Variants in NXPH1 observed in about 807,000 individuals in gnomAD.
The protein encoded by NXPH1 is neurexophilin 1.
Under a neutral mutation model 23.7 loss-of-function variants are expected in NXPH1, and 5 were observed. The ratio of observed to expected loss-of-function variants is 0.21; its 90% confidence interval spans 0.11 to 0.44. The LOEUF is 0.44. Ranked by LOEUF, NXPH1 falls within the 20% of genes least tolerant of loss-of-function variation. The probability of loss-of-function intolerance (pLI) is 0.99; values close to 1 mark genes in which losing one functional copy is unlikely to be tolerated. For missense variants in NXPH1, 324 were observed against 321.6 expected (o/e 1.01, Z -0.06); for synonymous variants, 144 against 122.2 (o/e 1.18, Z -1.18).
chr7:8,517,900 G>A (rs1817711208), intron 2 of NXPH1, among the ~76,000 whole-genome samples: 1 of 152,116 alleles, frequency 6.6e-6, no homozygotes, highest in Non-Finnish European at 1.5e-5. Context: ...ACCATGTTTT[G>A]GTGAACAGAA....
At chr7:8,637,713 A>G (rs766564780) in intron 2 of NXPH1, among the ~76,000 whole-genome samples, 11 of 152,210 alleles carry the variant, frequency 7.2e-5, no homozygotes, top group Non-Finnish European at 1.6e-4. Flanking sequence ...TAATTTGTGC[A>G]ATGAACTCAC....
chr7:8,495,891 A>G (rs1047966253), intron 2 of NXPH1, among the ~76,000 whole-genome samples: 1 of 152,166 alleles, frequency 6.6e-6, no homozygotes, highest in Non-Finnish European at 1.5e-5. Context: ...TTAGTGGGGC[A>G]GGCAAAGCAT....
intron 2 of NXPH1, among the ~76,000 whole-genome samples, chr7:8,631,417 T>C (rs142355746): frequency 6.6e-6 from 1 of 152,220 alleles, no homozygotes; most frequent in Non-Finnish European, 1.5e-5. Flanking sequence ...AAATCAAAAA[T>C]TGACAAATGG....
At chr7:8,553,207 T>G (rs548945563) in intron 2 of NXPH1, among the ~76,000 whole-genome samples, 25 of 151,666 alleles carry the variant, frequency 1.6e-4, no homozygotes, top group African/African-American at 5.8e-4. Flanking sequence ...CCTTAATGGA[T>G]TAAATGGAAA....
chr7:8,553,512 A>ATGAC (rs1192365886), intron 2 of NXPH1, among the ~76,000 whole-genome samples: 1 of 151,570 alleles, frequency 6.6e-6, no homozygotes, highest in Non-Finnish European at 1.5e-5. Context: ...GGCCAGTTTT[A>ATGAC]TGACTGACTG....
chr7:8,530,271 G>A (rs938322469), intron 2 of NXPH1, among the ~76,000 whole-genome samples: 6 of 152,162 alleles, frequency 3.9e-5, no homozygotes, highest in African/African-American at 1.4e-4. Flanking sequence ...TGTAGCAAAT[G>A]CCTCAAATAT....
intron 2 of NXPH1, among the ~76,000 whole-genome samples, chr7:8,683,482 C>G (rs371979649): frequency 2.2e-4 from 34 of 152,274 alleles, no homozygotes; most frequent in African/African-American, 8.2e-4. Context: ...AGAATTCTTA[C>G]ACAGGAATGG....
intron 2 of NXPH1, among the ~76,000 whole-genome samples, chr7:8,539,778 A>C (rs11766293): frequency 9.2e-5 from 14 of 151,706 alleles, no homozygotes; most frequent in Middle Eastern, 6.8e-3. Context: ...AATAGATACC[A>C]TAATAATGCA....
At chr7:8,729,936 G>C (rs1291374385) in intron 2 of NXPH1, among the ~76,000 whole-genome samples, 1 of 144,046 alleles carries the variant, frequency 6.9e-6, no homozygotes, top group Non-Finnish European at 1.5e-5. Flanking sequence ...TGTTGACAGT[G>C]GGGTGTTAAA....
intron 2 of NXPH1, among the ~76,000 whole-genome samples, chr7:8,664,351 A>C (rs1433991279): frequency 6.6e-6 from 1 of 152,108 alleles, no homozygotes; most frequent in Admixed American, 6.6e-5. Flanking sequence ...CACAAAGCAC[A>C]CTTCACATGT....
chr7:8,569,332 C>T (rs77062434), intron 2 of NXPH1, among the ~76,000 whole-genome samples: 3,182 of 151,678 alleles, frequency 0.021, 120 homozygotes, highest in African/African-American at 0.073. Flanking sequence ...AAGGGATATA[C>T]GTTGTTAGGA....
At chr7:8,742,684 C>G (rs1780387914) in intron 2 of NXPH1, among the ~76,000 whole-genome samples, 2 of 151,256 alleles carry the variant, frequency 1.3e-5, no homozygotes, top group East Asian at 3.9e-4. Context: ...CAGGTTTTAT[C>G]TTTGGTGGGG....
At position 8,616,052 on chromosome 7, in the gene NXPH1, A is replaced by T. The variant is rs184302364; in HGVS notation, c.55-134956A>T. Among the ~76,000 whole-genome samples, 3 of 152,136 alleles carry T rather than the reference A, an allele frequency of 2.0e-5. No homozygotes were observed. The East Asian group carries it at 5.8e-4, about 29-fold the overall frequency. On this transcript the variant is annotated intron_variant, in intron 2 of 2. Transcript: ENST00000405863. ...TAGATTATATTAGATCTCTGCTCAA[A>T]TCCCTCTCATCATGACTTCATTACA... is the stretch of plus-strand genomic sequence containing the variant.
At chr7:8,541,829 A>C (rs1214963829) in intron 2 of NXPH1, among the ~76,000 whole-genome samples, 2 of 151,654 alleles carry the variant, frequency 1.3e-5, no homozygotes, top group East Asian at 3.9e-4. Flanking sequence ...AGATGTATAG[A>C]GTTAACTCTA....
chr7:8,618,164 C>T (rs960967009), intron 2 of NXPH1, among the ~76,000 whole-genome samples: 2 of 152,106 alleles, frequency 1.3e-5, no homozygotes, highest in Non-Finnish European at 2.9e-5. Context: ...ATGTTAACAA[C>T]ACTAACCAAA....
At chr7:8,750,413 A>G (rs1488660846) in intron 2 of NXPH1, among the ~76,000 whole-genome samples, 1 of 152,030 alleles carries the variant, frequency 6.6e-6, no homozygotes, top group Non-Finnish European at 1.5e-5. Context: ...GTTTTGCCGC[A>G]CCTATTGACC....
rs1009101986 is a variant in NXPH1, at chr7:8,524,157, G to T, written c.54+88390G>T. ...CTCAGGAGGTCGAGGCAGGAGAATC[G>T]CTTGAACCTGGGTGGTAGAGGTTGC... is the stretch of plus-strand genomic sequence containing the variant. On this transcript the variant is annotated intron_variant, in intron 2 of 2. Transcript: ENST00000405863. 2.1e-5 allele frequency among the ~76,000 whole-genome samples: 3 copies of T among 142,118 alleles called. No individual in the cohort carries two copies. In the East Asian group the frequency reaches 6.5e-4, roughly 31 times the overall value. The allele number at this position is 142,118 out of a possible 152,430, so 93.2% of individuals were successfully genotyped here.
At chr7:8,605,274 C>T (rs1399608192) in intron 2 of NXPH1, among the ~76,000 whole-genome samples, 2 of 152,124 alleles carry the variant, frequency 1.3e-5, no homozygotes, top group African/African-American at 2.4e-5. Flanking sequence ...TAATACTCAA[C>T]AGATGGCAAA....
chr7:8,689,924 C>G (rs994528449), intron 2 of NXPH1, among the ~76,000 whole-genome samples: 1 of 152,152 alleles, frequency 6.6e-6, no homozygotes, highest in Non-Finnish European at 1.5e-5. Context: ...TGCACTAGGA[C>G]AACAGGCATA....
Sources: gnomAD v4.1 joint callset for allele counts (sites outside exome capture counted in the v4.1 genomes callset) on GRCh38, gnomAD v4.1.1 for gene constraint, MANE v1.5 for transcripts, NCBI Gene and HGNC (gene_info 2026-07-23, HGNC 2026-07-21) for gene names.